The following UNC5D variants were observed in gnomAD, a reference collection of about 807,000 sequenced individuals.
UNC5D encodes unc-5 netrin receptor D.
In UNC5D, 39 loss-of-function variants were observed where a neutral mutation model predicts 105.4. The ratio of observed to expected loss-of-function variants is 0.37; its 90% CI spans 0.29 to 0.48. UNC5D has a LOEUF of 0.48. Among genes scored for constraint, UNC5D ranks in the 20% least tolerant of loss-of-function variants. The pLI, the probability that UNC5D is intolerant of heterozygous loss-of-function variation, is 0.98. For missense variants in UNC5D, 991 were observed against 1,202.4 expected (o/e 0.82, Z 2.60); for synonymous variants, 452 against 450.4 (o/e 1.00, Z -0.04).
At chr8:35,519,684 A>G (rs939904215) in intron 1 of UNC5D, among the ~76,000 whole-genome samples, 1 of 152,166 alleles carries the variant, frequency 6.6e-6, no homozygotes, top group Non-Finnish European at 1.5e-5. Context: ...CGATATTTTC[A>G]CATAATAGTA....
At chr8:35,339,338 A>G (rs558968418) in intron 1 of UNC5D, among the ~76,000 whole-genome samples, 7 of 152,356 alleles carry the variant, frequency 4.6e-5, no homozygotes, top group Non-Finnish European at 8.8e-5. Context: ...TAAGTCCTAT[A>G]TGATGGGATT....
At chr8:35,506,827 T>C (rs1329496027) in intron 1 of UNC5D, among the ~76,000 whole-genome samples, 1 of 152,136 alleles carries the variant, frequency 6.6e-6, no homozygotes, top group African/African-American at 2.4e-5. Context: ...AAAAGCCCTG[T>C]GAATCTCAAG....
intron 1 of UNC5D, among the ~76,000 whole-genome samples, chr8:35,427,984 T>C (rs375060037): frequency 6.6e-6 from 1 of 152,170 alleles, no homozygotes; most frequent in Admixed American, 6.5e-5. Flanking sequence ...TAACAAAGTC[T>C]TCTGGCTTGA....
intron 1 of UNC5D, among the ~76,000 whole-genome samples, chr8:35,374,196 T>C (rs748138252): frequency 6.6e-6 from 1 of 152,210 alleles, no homozygotes; most frequent in Non-Finnish European, 1.5e-5. Context: ...CTTTGCTGTT[T>C]AGTGCAAGAT....
chr8:35,512,907 C>T (rs996533051), intron 1 of UNC5D, among the ~76,000 whole-genome samples: 6 of 151,826 alleles, frequency 4.0e-5, no homozygotes, highest in African/African-American at 4.8e-5. Flanking sequence ...CCTTGACCTC[C>T]GGACCTCAAG....
At chr8:35,520,510 A>G (rs1040924073) in intron 1 of UNC5D, among the ~76,000 whole-genome samples, 1 of 152,152 alleles carries the variant, frequency 6.6e-6, no homozygotes, top group Non-Finnish European at 1.5e-5. Flanking sequence ...CTCTGTGACT[A>G]TATTAGAACC....
chr8:35,777,408 C>G (rs1802299274), intron 16 of UNC5D, among the ~76,000 whole-genome samples: 1 of 152,144 alleles, frequency 6.6e-6, no homozygotes, highest in South Asian at 2.1e-4. Flanking sequence ...GACCCTGATT[C>G]AAAACAATAA....
intron 4 of UNC5D, among the ~76,000 whole-genome samples, chr8:35,615,302 C>T (rs1820969013): frequency 6.6e-6 from 1 of 152,048 alleles, no homozygotes. Context: ...ATTATCAGCC[C>T]TCTTTCTTTC....
Position 35,476,665 on chromosome 8 carries a change from C to A in UNC5D, c.104-72627C>A, listed in dbSNP as rs527772023. On this transcript the variant is annotated intron_variant, in intron 1 of 16. Transcript: ENST00000404895. Reference sequence around the variant, plus strand: ...CTAAGTTTTCCTCCTTTATCTCGTACCCTGCCTTCTGAAAGGCTACTGTCC... The same window carrying A: ...CTAAGTTTTCCTCCTTTATCTCGTAACCTGCCTTCTGAAAGGCTACTGTCC... 2.6e-5 allele frequency among the ~76,000 whole-genome samples: 4 copies of A among 152,240 alleles called. No individual in the cohort carries two copies. The South Asian group carries it at 8.3e-4, about 32-fold the overall frequency.
intron 8 of UNC5D, among the ~76,000 whole-genome samples, chr8:35,708,456 T>TA (rs1827739050): frequency 1.3e-5 from 2 of 152,216 alleles, no homozygotes; most frequent in East Asian, 3.8e-4. Context: ...TAATCATAGT[T>TA]AATAGAAACT....
At position 35,642,573 on chromosome 8, in the gene UNC5D, T is replaced by C. The variant is rs568424154; in HGVS notation, c.571-40974T>C. Among the ~76,000 whole-genome samples the C allele has an allele frequency of 3.9e-5, 6 of 152,216 alleles. No individual in the cohort carries two copies. The South Asian group carries it at 1.2e-3, about 32-fold the overall frequency. On this transcript the variant is annotated intron_variant, in intron 4 of 16. Transcript: ENST00000404895. ...TTTTCTCTGATAAACCGAGTTGCAC[T>C]GGCCATGGGTGCTTTTCTGAAGCCT...
chr8:35,330,536 G>A (rs1810533069), intron 1 of UNC5D, among the ~76,000 whole-genome samples: 1 of 152,188 alleles, frequency 6.6e-6, no homozygotes, highest in African/African-American at 2.4e-5. Context: ...CATTATTCCA[G>A]CTGATCTTCA....
chr8:35,437,886 T>C (rs1807133302), intron 1 of UNC5D, among the ~76,000 whole-genome samples: 1 of 151,858 alleles, frequency 6.6e-6, no homozygotes, highest in South Asian at 2.1e-4. Context: ...CTTACTGATA[T>C]TTGGCTTGTA....
chr8:35,374,327 G>T (rs1802574531), intron 1 of UNC5D, among the ~76,000 whole-genome samples: 1 of 152,184 alleles, frequency 6.6e-6, no homozygotes, highest in African/African-American at 2.4e-5. Flanking sequence ...CTGGTGAAAA[G>T]AAGTTGGAGG....
intron 1 of UNC5D, among the ~76,000 whole-genome samples, chr8:35,299,218 G>A (rs1807734572): frequency 6.6e-6 from 1 of 152,194 alleles, no homozygotes; most frequent in Admixed American, 6.5e-5. Flanking sequence ...TATGATGGGT[G>A]GGAGTGTGGA....
intron 4 of UNC5D, among the ~76,000 whole-genome samples, chr8:35,631,287 C>T (rs544150175): frequency 2.9e-4 from 44 of 149,262 alleles, no homozygotes; most frequent in Admixed American, 9.4e-4. Context: ...GCACTCCAGC[C>T]TGGGCAACAG....
chr8:35,271,198 T>A (rs1039730977), intron 1 of UNC5D, among the ~76,000 whole-genome samples: 3 of 148,890 alleles, frequency 2.0e-5, no homozygotes, highest in African/African-American at 7.3e-5. Context: ...TTAAAATATA[T>A]TTAAATATAA....
intron 1 of UNC5D, among the ~76,000 whole-genome samples, chr8:35,243,237 T>C (rs895237457): frequency 2.6e-5 from 4 of 152,198 alleles, no homozygotes; most frequent in African/African-American, 9.7e-5. Context: ...TAAGAATATT[T>C]TTAAAATGCC....
intron 1 of UNC5D, among the ~76,000 whole-genome samples, chr8:35,404,323 A>C (rs1360429879): frequency 6.6e-6 from 1 of 152,120 alleles, no homozygotes; most frequent in Non-Finnish European, 1.5e-5. Flanking sequence ...TGTGAGATAC[A>C]ATGTACCATC....
Sources: gnomAD v4.1 joint callset for allele counts (sites outside exome capture counted in the v4.1 genomes callset) on GRCh38, gnomAD v4.1.1 for gene constraint, MANE v1.5 for transcripts, NCBI Gene and HGNC (gene_info 2026-07-23, HGNC 2026-07-21) for gene names.